Variants in SCEL observed in about 807,000 individuals in gnomAD.
The protein encoded by SCEL is sciellin.
Under a neutral mutation model 117.6 loss-of-function variants are expected in SCEL, and 113 were observed. The ratio of observed to expected loss-of-function variants is 0.96; its 90% CI spans 0.83 to 1.12. SCEL has a LOEUF of 1.12. Among genes scored for constraint, SCEL ranks in the 50% most tolerant of loss-of-function variants. The pLI is 0.00. For missense variants in SCEL, 785 were observed against 810.8 expected (o/e 0.97, Z 0.39); for synonymous variants, 270 against 256.2 (o/e 1.05, Z -0.51).
chr13:77,586,356 G>T (rs1010103922), intron 9 of SCEL, among the ~76,000 whole-genome samples: 1 of 151,966 alleles, frequency 6.6e-6, no homozygotes, highest in South Asian at 2.1e-4. Flanking sequence ...TCTGGCTCCC[G>T]CTTTCTCTCT....
intron 28 of SCEL, among the ~76,000 whole-genome samples, chr13:77,633,884 C>G (rs141892609): frequency 3.9e-5 from 6 of 152,262 alleles, no homozygotes; most frequent in African/African-American, 1.4e-4. Flanking sequence ...AATTATCAAA[C>G]GTGATTTTCC....
chr13:77,627,268 C>A (rs776197698), intron 27 of SCEL, among the ~76,000 whole-genome samples: 2 of 152,142 alleles, frequency 1.3e-5, no homozygotes, highest in Non-Finnish European at 2.9e-5. Context: ...CTTTGCCTGT[C>A]TGAGCTCCAG....
Position 77,644,505 on chromosome 13 carries a change from C to G in SCEL, c.*231C>G. 1 of 479,892 alleles carries G rather than the reference C, an allele frequency of 2.1e-6. No individual in the cohort carries two copies. The allele number at this position is 479,892 out of a possible 1,614,324, so 29.7% of individuals were successfully genotyped here. On this transcript the variant is annotated 3_prime_UTR_variant, in exon 33 of 33. Coordinates refer to ENST00000349847, the MANE Select transcript of SCEL (RefSeq NM_144777.3). ...TTAGCAATAAAAAGTTCAAATGGTT[C>G]CAGATTCCAGTGTCAAAGGAGTGAT...
intron 1 of SCEL, among the ~76,000 whole-genome samples, chr13:77,542,608 A>AT (rs2083767600): frequency 6.6e-6 from 1 of 152,136 alleles, no homozygotes; most frequent in South Asian, 2.1e-4. Context: ...CAGCCTGATG[A>AT]TTTTTGGATT....
At chr13:77,568,195 A>T in intron 6 of SCEL, 100 bp from the exon 7 acceptor site, 1 of 706,112 alleles carries the variant, frequency 1.4e-6, no homozygotes, top group Non-Finnish European at 2.5e-6. Context: ...TTCTCTCACC[A>T]GTGTCTAACT....
At chr13:77,559,684 G>T in intron 3 of SCEL, 120 bp from the exon 4 acceptor site, 1 of 720,334 alleles carries the variant, frequency 1.4e-6, no homozygotes, top group Admixed American at 2.2e-5. Context: ...TCTCACAACT[G>T]AAGTAAAATG....
At chr13:77,536,405 C>CCCTTTCATATTCCTGGGGACTATGTAAA (rs2083424974) in intron 1 of SCEL, among the ~76,000 whole-genome samples, 1 of 152,008 alleles carries the variant, frequency 6.6e-6, no homozygotes, top group African/African-American at 2.4e-5. Context: ...CTTGAAAGTA[C>CCCTTTCATATTCCTGGGGACTATGTAAA]CAAGGAGTAA....
At chr13:77,637,230 A>G (rs2090321803) in intron 30 of SCEL, 36 bp downstream of exon 30, 3 of 900,314 alleles carry the variant, frequency 3.3e-6, no homozygotes, top group Non-Finnish European at 5.0e-6. Flanking sequence ...TAAAAAGTAC[A>G]CACATACAGA....
intron 11 of SCEL, among the ~76,000 whole-genome samples, chr13:77,592,561 CCT>C (rs2086934248): frequency 3.4e-4 from 45 of 133,488 alleles, no homozygotes; most frequent in African/African-American, 1.1e-3. Context: ...TCTTCTTCTT[CCT>C]TTTTTTTTTT....
chr13:77,561,388 T>TATAA lies in SCEL; in HGVS notation c.221+1526_221+1529dup, dbSNP rs530544604. ...ATGGTGGCCAACATTGTGGCTAAAG[T>TATAA]ATAATATCAGTCTTTTAAGGAACAA... On this transcript the variant is annotated intron_variant, in intron 4 of 32. Transcript: ENST00000349847. 7.2e-5 allele frequency among the ~76,000 whole-genome samples: 11 copies of TATAA among 152,342 alleles called. No homozygotes were observed. In the East Asian group the frequency reaches 2.1e-3, roughly 29 times the overall value.
chr13:77,590,500 ATTGTT>A (rs918955943), intron 10 of SCEL, among the ~76,000 whole-genome samples: 24 of 152,210 alleles, frequency 1.6e-4, no homozygotes, highest in African/African-American at 5.5e-4. Flanking sequence ...TTTGAATAGA[ATTGTT>A]TTAAGGGGCT....
At chr13:77,575,640 C>T (rs545511937) in intron 9 of SCEL, among the ~76,000 whole-genome samples, 78 of 152,178 alleles carry the variant, frequency 5.1e-4, no homozygotes, top group African/African-American at 1.8e-3. Flanking sequence ...TAAATGTTCA[C>T]GAGAGAATCT....
At chr13:77,597,724 C>T (rs2087330616) in intron 13 of SCEL, 135 bp downstream of exon 13, 1 of 481,298 alleles carries the variant, frequency 2.1e-6, no homozygotes. Flanking sequence ...TAAAAGCTTG[C>T]AGCAATCATC....
At chr13:77,560,009 AT>A in intron 4 of SCEL, 146 bp downstream of exon 4, 3 of 721,544 alleles carry the variant, frequency 4.2e-6, no homozygotes, top group Non-Finnish European at 7.1e-6. Flanking sequence ...CTGTGATATC[AT>A]CAGAGGTTTC....
At position 77,551,027 on chromosome 13, in the gene SCEL, G is replaced by A. The variant is rs368307122; in HGVS notation, c.-19-4830G>A. Among the ~76,000 whole-genome samples, 20 of 152,174 alleles carry A rather than the reference G, an allele frequency of 1.3e-4. No individual in the cohort carries two copies. The South Asian group carries it at 2.9e-3, about 22-fold the overall frequency. The stretch of plus-strand genomic sequence containing the variant: ...CCCCTGCATCCACGTTCCCACTCTC[G>A]CTTTAACACCAGGGCAGCAGCCTAG... On this transcript the variant is annotated intron_variant, in intron 1 of 32. Transcript: ENST00000349847.
chr13:77,538,767 T>C (rs1033859162), intron 1 of SCEL, among the ~76,000 whole-genome samples: 1 of 152,218 alleles, frequency 6.6e-6, no homozygotes, highest in African/African-American at 2.4e-5. Flanking sequence ...CTGAATAATT[T>C]ATTCTTTGTC....
At chr13:77,583,045 G>A (rs1291710900) in intron 9 of SCEL, among the ~76,000 whole-genome samples, 1 of 152,164 alleles carries the variant, frequency 6.6e-6, no homozygotes, top group Non-Finnish European at 1.5e-5. Context: ...GTTGACTCAT[G>A]TTCTTATAGA....
At chr13:77,607,905 C>T in intron 19 of SCEL, 151 bp from the exon 20 acceptor site, 1 of 542,850 alleles carries the variant, frequency 1.8e-6, no homozygotes, top group Non-Finnish European at 3.2e-6. Flanking sequence ...GCATAGTCAC[C>T]TTTCACAATC....
In SCEL at chr13:77,596,688, G is replaced by GGTGTGTGTGT. The variant is rs71102762; in HGVS notation, c.753-831_753-822dup. ...GAGGAAGGCAAGAGAGGTGGGGCAA[G>GGTGTGTGTGT]GTGTGTGTGTGTGTGTGTGTGTGTG... On this transcript the variant is annotated intron_variant, in intron 12 of 32. Transcript: ENST00000349847. Among the ~76,000 whole-genome samples the GGTGTGTGTGT allele has an allele frequency of 6.0e-4, 88 of 145,458 alleles. 1 individual carries two copies. Among genetic ancestry groups the GGTGTGTGTGT allele is most frequent in the African/African-American group, 1.2e-3 (49 of 39,772 alleles).
Sources: gnomAD v4.1 joint callset for allele counts (sites outside exome capture counted in the v4.1 genomes callset) on GRCh38, gnomAD v4.1.1 for gene constraint, MANE v1.5 for transcripts, NCBI Gene and HGNC (gene_info 2026-07-23, HGNC 2026-07-21) for gene names.